Variants in RNF14 observed in about 807,000 individuals in gnomAD.
The protein encoded by RNF14 is ring finger protein 14, also known as E3 ubiquitin-protein ligase RNF14.
A neutral mutation model predicts 52.6 loss-of-function variants in RNF14; 26 were observed. The observed-to-expected ratio is 0.49, with a 90% CI of 0.36 to 0.69. RNF14 has a LOEUF of 0.69. Ranked by LOEUF, RNF14 falls within the 30% of genes least tolerant of loss-of-function variation. The pLI, the probability that RNF14 is intolerant of heterozygous loss-of-function variation, is 0.00. For synonymous variants in RNF14, 194 were observed against 202.0 expected, an observed-to-expected ratio of 0.96 and a Z score of 0.34; for missense variants, 404 against 560.4, an observed-to-expected ratio of 0.72 and a Z score of 2.82.
rs1248405054 is a variant in RNF14 at position 141,989,156 on chromosome 5, A to G, written c.*1366A>G. ...CAAAGAGGATGCTTAGTCTTAAAATAAAAATAAATTTAAAAATCATCTTAT... is the reference window on the plus strand; with the variant it reads ...CAAAGAGGATGCTTAGTCTTAAAATGAAAATAAATTTAAAAATCATCTTAT... On this transcript the variant is annotated 3_prime_UTR_variant, in exon 9 of 9. Transcript: ENST00000394520. 6.6e-6 allele frequency: 1 copy of G among 152,250 alleles called. No individual in the cohort carries two copies. The highest frequency in any genetic ancestry group is 1.5e-5 in the Non-Finnish European group (1 of 68,036). 9.4% of individuals were successfully genotyped at this position (152,250 alleles called of 1,614,324 possible).
intron 8 of RNF14, among the ~76,000 whole-genome samples, chr5:141,985,680 G>T (rs1755172606): frequency 6.6e-6 from 1 of 152,170 alleles, no homozygotes. Context: ...AGCCTCCTGA[G>T]TAGCTGGGAC....
At chr5:141,963,558 C>T (rs1259456797), upstream of RNF14, among the ~76,000 whole-genome samples, 1 of 152,184 alleles carries the variant, frequency 6.6e-6, no homozygotes, top group East Asian at 1.9e-4. Flanking sequence ...CAAGATCGAA[C>T]TGTTTTACAC....
chr5:141,979,677 C>T (rs1482178817), intron 5 of RNF14, among the ~76,000 whole-genome samples: 7 of 152,216 alleles, frequency 4.6e-5, no homozygotes, highest in East Asian at 1.9e-4. Flanking sequence ...ATAGGAGGAT[C>T]GCTTGAGGCT....
upstream of RNF14, chr5:141,956,084 C>A (rs1279945163): frequency 4.3e-6 from 7 of 1,614,154 alleles, no homozygotes; most frequent in East Asian, 1.6e-4. Flanking sequence ...TCGATGGGCA[C>A]CAGCAGGTGG....
intron 7 of RNF14, among the ~76,000 whole-genome samples, chr5:141,983,849 C>G (rs553991168): frequency 1.3e-5 from 2 of 152,120 alleles, no homozygotes; most frequent in East Asian, 3.9e-4. Flanking sequence ...CTTACCTCAT[C>G]TATGTGATTA....
At chr5:141,955,755 C>T (rs144161389), upstream of RNF14, 122 of 1,614,034 alleles carry the variant, frequency 7.6e-5, no homozygotes, top group African/African-American at 1.5e-3. This position sits in a 1 kb window ranked among gnomAD's most constrained non-coding sequence, Gnocchi z 5.5. Flanking sequence ...TCAGGTGGTC[C>T]ACACTGGTGA....
At chr5:141,975,949 C>T (rs979294813) in intron 4 of RNF14, among the ~76,000 whole-genome samples, 7 of 149,620 alleles carry the variant, frequency 4.7e-5, no homozygotes, top group African/African-American at 1.7e-4. Flanking sequence ...AAGAAAAAGA[C>T]AAAAGATGTC....
At chr5:141,969,513 C>T (rs1483191147) in intron 1 of RNF14, 2 of 152,278 alleles carry the variant, frequency 1.3e-5, no homozygotes, top group Non-Finnish European at 2.9e-5. Flanking sequence ...GGGCAGTCGC[C>T]CAAACGACGC....
chr5:141,964,087 C>A (rs1463434562), upstream of RNF14, among the ~76,000 whole-genome samples: 1 of 152,136 alleles, frequency 6.6e-6, no homozygotes, highest in Non-Finnish European at 1.5e-5. Context: ...TATTGTAAAT[C>A]AAATTTTAGC....
chr5:141,955,775 C>T, upstream of RNF14: 3 of 1,613,930 alleles, frequency 1.9e-6, no homozygotes, highest in Non-Finnish European at 2.5e-6. This position sits in a 1 kb window ranked among gnomAD's most constrained non-coding sequence, Gnocchi z 5.5. Context: ...ACAAACATGA[C>T]CCTCAACAGG....
At chr5:141,966,846 CTTCCTCACTTTT>C (rs1252230823), upstream of RNF14, 2 of 152,310 alleles carry the variant, frequency 1.3e-5, no homozygotes, top group Non-Finnish European at 2.9e-5. Flanking sequence ...GGTGCATGGG[CTTCCTCACTTTT>C]TTCCTCACGA....
At chr5:141,978,276 CCAA>C in intron 4 of RNF14, 24 bp from the exon 5 acceptor site, 1 of 1,533,112 alleles carries the variant, frequency 6.5e-7, no homozygotes, top group Non-Finnish European at 8.8e-7. Context: ...TCCAAACTCA[CCAA>C]CATCTTCATG....
chr5:141,965,144 C>T (rs900149908), upstream of RNF14, among the ~76,000 whole-genome samples: 11 of 152,126 alleles, frequency 7.2e-5, no homozygotes, highest in African/African-American at 2.7e-4. Flanking sequence ...TGTTCAAGGG[C>T]TTGTTGCAGG....
At chr5:141,986,699 C>T (rs1755265863) in intron 8 of RNF14, among the ~76,000 whole-genome samples, 1 of 152,100 alleles carries the variant, frequency 6.6e-6, no homozygotes, top group Admixed American at 6.5e-5. Flanking sequence ...GCTGTTATGA[C>T]AGGTTGGGAA....
At chr5:141,983,266 G>GAT (rs1754940334) in intron 6 of RNF14, 114 bp from the exon 7 acceptor site, 1 of 836,782 alleles carries the variant, frequency 1.2e-6, no homozygotes, top group East Asian at 2.8e-5. Flanking sequence ...ATTTCCTTAT[G>GAT]ATAAAGTTCT....
At chr5:141,974,761 G>A in intron 3 of RNF14, 43 bp from the exon 4 acceptor site, 1 of 1,599,484 alleles carries the variant, frequency 6.3e-7, no homozygotes, top group East Asian at 2.2e-5. Flanking sequence ...GGACACTCAA[G>A]TGTTGACCAA....
intron 3 of RNF14, 59 bp from the exon 4 acceptor site, chr5:141,974,745 A>G: frequency 6.5e-7 from 1 of 1,535,512 alleles, no homozygotes; most frequent in Non-Finnish European, 9.0e-7. Flanking sequence ...GCTGCTCAAC[A>G]GTAGTGGACA....
upstream of RNF14, chr5:141,968,848 G>A (rs1374416248): frequency 6.6e-6 from 1 of 152,216 alleles, no homozygotes; most frequent in African/African-American, 2.4e-5. Context: ...CTCTGCCCTA[G>A]GTAGACCACT....
intron 5 of RNF14, 81 bp from the exon 6 acceptor site, chr5:141,980,042 C>T (rs1002862127): frequency 7.2e-6 from 8 of 1,111,712 alleles, no homozygotes; most frequent in Admixed American, 1.7e-5. Flanking sequence ...ATCTGGTTTA[C>T]ACTAGCATCC....
Sources: allele counts gnomAD v4.1 joint callset (sites outside exome capture counted in the v4.1 genomes callset), GRCh38; gene constraint gnomAD v4.1.1; non-coding constraint Gnocchi (gnomAD v3.1); transcripts MANE v1.5; gene names NCBI Gene and HGNC (gene_info 2026-07-23, HGNC 2026-07-21).